The following NRXN3 variants were observed in gnomAD, a reference collection of about 807,000 sequenced individuals.
NRXN3 encodes the protein neurexin 3.
Under a neutral mutation model 137.6 loss-of-function variants are expected in NRXN3, and 32 were observed. The observed-to-expected ratio is 0.23, with a 90% CI of 0.18 to 0.31. The LOEUF is 0.31. Ranked by LOEUF, NRXN3 falls within the 10% of genes least tolerant of loss-of-function variation. The pLI, the probability that NRXN3 is intolerant of heterozygous loss-of-function variation, is 1.00. For missense variants in NRXN3, 1,574 were observed against 2,062.5 expected, an observed-to-expected ratio of 0.76 and a Z score of 4.59; for synonymous variants, 798 against 784.5, an observed-to-expected ratio of 1.02 and a Z score of -0.29.
intron 4 of NRXN3, among the ~76,000 whole-genome samples, chr14:78,586,988 G>A (rs371096396): frequency 1.2e-4 from 18 of 152,282 alleles, no homozygotes; most frequent in African/African-American, 3.4e-4. Flanking sequence ...CTGAGGCCCG[G>A]GACATTTTCT....
chr14:79,256,093 C>G (rs2076530428), intron 15 of NRXN3, among the ~76,000 whole-genome samples: 1 of 151,476 alleles, frequency 6.6e-6, no homozygotes, highest in East Asian at 1.9e-4. Flanking sequence ...GTCCATCCCT[C>G]CTCTCTCTCT....
At chr14:78,347,519 CT>C (rs893915986) in intron 4 of NRXN3, among the ~76,000 whole-genome samples, 19 of 152,282 alleles carry the variant, frequency 1.2e-4, no homozygotes, top group African/African-American at 4.3e-4. Flanking sequence ...GAAATTTCCC[CT>C]TCATTCCCCT....
chr14:79,633,085 A>C (rs78486194), intron 16 of NRXN3, among the ~76,000 whole-genome samples: 2,353 of 152,284 alleles, frequency 0.015, 27 homozygotes, highest in Non-Finnish European at 0.023. Flanking sequence ...GTTAGGATTT[A>C]GACTGATTTC....
intron 15 of NRXN3, among the ~76,000 whole-genome samples, chr14:79,114,515 T>G (rs1014704440): frequency 6.6e-6 from 1 of 152,218 alleles, no homozygotes; most frequent in Non-Finnish European, 1.5e-5. Flanking sequence ...AATAATATGA[T>G]AAAATACCAT....
chr14:78,238,228 G>A (rs566925917), intron 1 of NRXN3, among the ~76,000 whole-genome samples: 2 of 145,378 alleles, frequency 1.4e-5, no homozygotes, highest in South Asian at 2.2e-4. Context: ...AAAGTGTGCC[G>A]TTCGATAATT....
chr14:78,180,443 T>C (rs1047519563), intron 1 of NRXN3, among the ~76,000 whole-genome samples: 2 of 152,244 alleles, frequency 1.3e-5, no homozygotes, highest in Non-Finnish European at 2.9e-5. Context: ...TTAAGTTAAG[T>C]GCTTTGCATA....
At chr14:79,401,349 G>A (rs2095188569) in intron 15 of NRXN3, among the ~76,000 whole-genome samples, 1 of 151,984 alleles carries the variant, frequency 6.6e-6, no homozygotes, top group African/African-American at 2.4e-5. Context: ...ATTAATGTAT[G>A]GTTCCTGGAC....
intron 15 of NRXN3, among the ~76,000 whole-genome samples, chr14:79,449,010 T>G (rs1220717754): frequency 6.6e-6 from 1 of 151,860 alleles, no homozygotes; most frequent in Non-Finnish European, 1.5e-5. Context: ...TTGAGTAGGG[T>G]AAAAGGAGTT....
intron 16 of NRXN3, among the ~76,000 whole-genome samples, chr14:79,519,695 G>A (rs1316489994): frequency 1.3e-5 from 2 of 151,464 alleles, no homozygotes; most frequent in East Asian, 3.9e-4. Flanking sequence ...GATTGGAATG[G>A]GATTCTGTTT....
chr14:79,615,218 A>G (rs2098141700), intron 16 of NRXN3, among the ~76,000 whole-genome samples: 1 of 152,222 alleles, frequency 6.6e-6, no homozygotes, highest in Non-Finnish European at 1.5e-5. Context: ...ACACGGGAAG[A>G]CAAAAATTAA....
At chr14:79,474,756 T>G (rs1321521287) in intron 16 of NRXN3, among the ~76,000 whole-genome samples, 1 of 152,018 alleles carries the variant, frequency 6.6e-6, no homozygotes, top group Non-Finnish European at 1.5e-5. Flanking sequence ...TTCTTTAATT[T>G]TATCGACCAT....
At position 79,597,579 on chromosome 14, in the gene NRXN3, ATAT is replaced by A. The variant is rs536242339; in HGVS notation, c.3445-66191_3445-66189del. 2.6e-4 allele frequency among the ~76,000 whole-genome samples: 39 copies of A among 152,256 alleles called. No homozygotes were observed. In the South Asian group the frequency reaches 4.6e-3, roughly 18 times the overall value. On this transcript the variant is annotated intron_variant, in intron 16 of 20. Transcript: ENST00000335750. Reference sequence around the variant, plus strand: ...AGATATGTCTTATGTCCCATTTGTAATATTATTATTGTTGTTACCATACGCAAA... The same window carrying A: ...AGATATGTCTTATGTCCCATTTGTAATATTATTGTTGTTACCATACGCAAA...
At chr14:79,433,011 C>T (rs1300431911) in intron 15 of NRXN3, among the ~76,000 whole-genome samples, 1 of 152,104 alleles carries the variant, frequency 6.6e-6, no homozygotes, top group Non-Finnish European at 1.5e-5. Flanking sequence ...TCATATATTT[C>T]TTGTTACCTT....
chr14:78,360,320 C>A (rs2084933433), intron 4 of NRXN3, among the ~76,000 whole-genome samples: 1 of 152,162 alleles, frequency 6.6e-6, no homozygotes, highest in South Asian at 2.1e-4. Flanking sequence ...AAAATCTATT[C>A]CAGTGATTCT....
chr14:79,692,105 C>A, intron 17 of NRXN3, 68 bp from the exon 18 acceptor site: 3 of 1,215,176 alleles, frequency 2.5e-6, no homozygotes, highest in East Asian at 2.5e-5. Flanking sequence ...ACCAAAAAAC[C>A]TAGGATGTTT....
chr14:79,840,199 A>T (rs1346135865), intron 20 of NRXN3, among the ~76,000 whole-genome samples: 1 of 152,140 alleles, frequency 6.6e-6, no homozygotes, highest in Admixed American at 6.6e-5. Context: ...ACTCTGAGGT[A>T]AAAAGAGCAA....
chr14:78,896,895 T>C (rs189332603), intron 10 of NRXN3, among the ~76,000 whole-genome samples: 8 of 152,004 alleles, frequency 5.3e-5, no homozygotes, highest in Admixed American at 4.6e-4. Flanking sequence ...GCAGAATTGG[T>C]GACAGGGGAT....
intron 20 of NRXN3, among the ~76,000 whole-genome samples, chr14:79,838,004 C>A (rs2099347855): frequency 6.6e-6 from 1 of 152,116 alleles, no homozygotes; most frequent in Non-Finnish European, 1.5e-5. Context: ...TCAAAAAATT[C>A]TACCTAGTAA....
chr14:79,812,013 A>G (rs1448776757), intron 20 of NRXN3, among the ~76,000 whole-genome samples: 1 of 152,152 alleles, frequency 6.6e-6, no homozygotes, highest in Non-Finnish European at 1.5e-5. Flanking sequence ...GAAATATAAG[A>G]ATAGGAAAGA....
Sources: gnomAD v4.1 joint callset for allele counts (sites outside exome capture counted in the v4.1 genomes callset) on GRCh38, gnomAD v4.1.1 for gene constraint, MANE v1.5 for transcripts, NCBI Gene and HGNC (gene_info 2026-07-23, HGNC 2026-07-21) for gene names.